Variants in INTS9 observed in about 807,000 individuals in gnomAD.
The protein encoded by INTS9 is integrator complex subunit 9, also known as protein related to CPSF subunits of 74 kDa.
INTS9 carries 55 observed loss-of-function variants against 79.7 expected under a neutral mutation model. That is an observed-to-expected ratio of 0.69 (90% confidence interval 0.56 to 0.86). The LOEUF is 0.86. INTS9 is among the 40% of genes least tolerant of loss of function. The pLI is 0.00. For missense variants in INTS9, 721 were observed against 831.5 expected (o/e 0.87, Z 1.64); for synonymous variants, 319 against 325.2 (o/e 0.98, Z 0.20).
intron 8 of INTS9, among the ~76,000 whole-genome samples, chr8:28,808,357 T>TG (rs1804931128): frequency 1.3e-5 from 2 of 152,058 alleles, no homozygotes; most frequent in Non-Finnish European, 2.9e-5. Flanking sequence ...TCACACCGGT[T>TG]AATTTTTGTA....
At chr8:28,787,496 G>A (rs1352459294) in intron 11 of INTS9, among the ~76,000 whole-genome samples, 1 of 152,166 alleles carries the variant, frequency 6.6e-6, no homozygotes, top group Non-Finnish European at 1.5e-5. Context: ...CCAACATGAT[G>A]CTCAAAGGAA....
intron 2 of INTS9, among the ~76,000 whole-genome samples, chr8:28,853,532 C>G (rs1260215777): frequency 1.3e-5 from 2 of 151,794 alleles, no homozygotes; most frequent in East Asian, 3.9e-4. Flanking sequence ...ACTAACATTT[C>G]TTAGGAAAAA....
chr8:28,850,145 G>T, intron 3 of INTS9, 68 bp downstream of exon 3: 1 of 1,270,318 alleles, frequency 7.9e-7, no homozygotes, highest in Non-Finnish European at 1.1e-6. Flanking sequence ...CTACAGGGTG[G>T]CTCTGGTATG....
At chr8:28,835,111 A>G (rs976803830) in intron 6 of INTS9, among the ~76,000 whole-genome samples, 181 bp downstream of exon 6, 2 of 152,264 alleles carry the variant, frequency 1.3e-5, no homozygotes, top group Non-Finnish European at 2.9e-5. Flanking sequence ...AGCACCTTGC[A>G]CATAGTTGCC....
intron 6 of INTS9, among the ~76,000 whole-genome samples, chr8:28,820,452 A>T (rs1175279745): frequency 6.6e-6 from 1 of 152,188 alleles, no homozygotes; most frequent in Non-Finnish European, 1.5e-5. Flanking sequence ...AAGAATGTTG[A>T]ATATTGGCCC....
chr8:28,860,886 G>A (rs1013545996), intron 1 of INTS9, among the ~76,000 whole-genome samples: 2 of 152,184 alleles, frequency 1.3e-5, no homozygotes, highest in Admixed American at 6.5e-5. Flanking sequence ...CCAGGTATTT[G>A]TTGCTCTGTT....
At chr8:28,795,504 G>T (rs1410870402) in intron 9 of INTS9, among the ~76,000 whole-genome samples, 1 of 152,002 alleles carries the variant, frequency 6.6e-6, no homozygotes, top group East Asian at 1.9e-4. Context: ...GCCGGGCACA[G>T]TGGCGCACAC....
intron 1 of INTS9, among the ~76,000 whole-genome samples, chr8:28,883,746 C>T (rs1433587774): frequency 6.6e-6 from 1 of 152,180 alleles, no homozygotes; most frequent in Non-Finnish European, 1.5e-5. Context: ...GTTTTGTTCA[C>T]TGCAATATGC....
At chr8:28,792,964 G>A (rs898396654) in intron 10 of INTS9, among the ~76,000 whole-genome samples, 6 of 151,424 alleles carry the variant, frequency 4.0e-5, no homozygotes, top group Admixed American at 2.0e-4. Context: ...GGATAGAGAC[G>A]CCTGTATGAG....
intron 1 of INTS9, among the ~76,000 whole-genome samples, chr8:28,881,009 C>T (rs1809725328): frequency 6.6e-6 from 1 of 150,766 alleles, no homozygotes; most frequent in Admixed American, 6.6e-5. Context: ...GTGAGGAAAC[C>T]CTCTGCCTGG....
At chr8:28,870,172 T>A (rs1269552221) in intron 1 of INTS9, among the ~76,000 whole-genome samples, 1 of 152,064 alleles carries the variant, frequency 6.6e-6, no homozygotes, top group East Asian at 1.9e-4. Flanking sequence ...TACATATATA[T>A]ATATGTATGT....
intron 11 of INTS9, among the ~76,000 whole-genome samples, chr8:28,785,772 C>A (rs371825474): frequency 1.3e-5 from 2 of 152,220 alleles, no homozygotes. Context: ...CACACACATA[C>A]ACACACATGC....
intron 10 of INTS9, among the ~76,000 whole-genome samples, chr8:28,793,015 G>A (rs1804004470): frequency 6.6e-6 from 1 of 151,984 alleles, no homozygotes; most frequent in Admixed American, 6.6e-5. Flanking sequence ...AGAAGGGAAT[G>A]AAAAAAGTAC....
chr8:28,813,349 C>T (rs76994037), intron 7 of INTS9, 143 bp downstream of exon 7: 100 of 801,584 alleles, frequency 1.2e-4, no homozygotes, highest in South Asian at 2.4e-4. Context: ...AAATCCTGCG[C>T]GGAACGGAGG....
intron 2 of INTS9, among the ~76,000 whole-genome samples, chr8:28,855,855 T>C (rs1321909386): frequency 1.3e-5 from 2 of 152,360 alleles, no homozygotes; most frequent in South Asian, 2.1e-4. Context: ...TTTGGAAATA[T>C]ACTTAAGCAT....
At chr8:28,885,011 G>C (rs995540387) in intron 1 of INTS9, among the ~76,000 whole-genome samples, 7 of 152,170 alleles carry the variant, frequency 4.6e-5, no homozygotes, top group Non-Finnish European at 5.9e-5. Context: ...CTTGGGGCAG[G>C]ATTTGCCCCT....
intron 8 of INTS9, among the ~76,000 whole-genome samples, chr8:28,807,896 GT>G (rs1804897707): frequency 1.3e-5 from 2 of 152,130 alleles, no homozygotes; most frequent in African/African-American, 4.8e-5. Flanking sequence ...AGATACAAAG[GT>G]TAGAAGAGAG....
intron 4 of INTS9, among the ~76,000 whole-genome samples, chr8:28,844,465 G>A (rs1173675802): frequency 6.6e-6 from 1 of 152,092 alleles, no homozygotes; most frequent in Non-Finnish European, 1.5e-5. Context: ...GCTTGAGCCA[G>A]GAAGGCGGAG....
intron 2 of INTS9, among the ~76,000 whole-genome samples, chr8:28,858,131 GA>G (rs780092725): frequency 3.3e-5 from 5 of 152,148 alleles, no homozygotes; most frequent in Non-Finnish European, 7.3e-5. Context: ...CATCACCCAG[GA>G]AATTCATGAC....
Sources: allele counts gnomAD v4.1 joint callset (sites outside exome capture counted in the v4.1 genomes callset), GRCh38; gene constraint gnomAD v4.1.1; transcripts MANE v1.5; gene names NCBI Gene and HGNC (gene_info 2026-07-23, HGNC 2026-07-21).